Variants in UROC1 observed in about 807,000 individuals in gnomAD.
UROC1 encodes urocanate hydratase.
UROC1 carries 79 observed loss-of-function variants against 89.5 expected under a neutral mutation model. That is an observed-to-expected ratio of 0.88 (90% CI 0.74 to 1.06). The LOEUF (loss-of-function observed/expected upper bound fraction) is 1.06, where lower values mean the gene tolerates loss of function less well. UROC1 is among the 50% of genes least tolerant of loss of function. UROC1 has a pLI of 0.00. For missense variants in UROC1, 885 were observed against 907.8 expected (o/e 0.97, Z 0.32); for synonymous variants, 361 against 354.8 (o/e 1.02, Z -0.20).
Position 126,488,230 on chromosome 3 carries a change from C to T in UROC1, c.1758G>A (p.Trp586Ter). 1 of 1,614,220 alleles carries T rather than the reference C, an allele frequency of 6.2e-7. No homozygotes were observed. Among genetic ancestry groups the T allele is most frequent in the Non-Finnish European group, 8.5e-7 (1 of 1,180,034 alleles). ...CGCCCCCTCCGTTGTGAAGGGCGACCCAGGTGGCTCCGCGACAGGCATCTC... is the reference window on the plus strand; with the variant it reads ...CGCCCCCTCCGTTGTGAAGGGCGACTCAGGTGGCTCCGCGACAGGCATCTC... ...FVGDACRGAT[W>*]VALHNGGGVG... is the part of the protein sequence containing the mutation. The change falls in exon 18 of 20, where the codon TGG (tryptophan) becomes TGA (stop). Residue 586 changes from tryptophan to a stop codon, truncating the protein, a stop_gained. Transcript: ENST00000290868. LOFTEE classifies it high-confidence loss of function.
At chr3:126,497,399 G>T (rs1935802538) in intron 14 of UROC1, among the ~76,000 whole-genome samples, 1 of 152,212 alleles carries the variant, frequency 6.6e-6, no homozygotes, top group South Asian at 2.1e-4. Flanking sequence ...ACCCAGGCAG[G>T]CCATGTAGAC....
At chr3:126,512,754 T>C (rs1220419675) in intron 1 of UROC1, among the ~76,000 whole-genome samples, 7 of 152,114 alleles carry the variant, frequency 4.6e-5, no homozygotes, top group African/African-American at 1.7e-4. Flanking sequence ...ATAATGAACT[T>C]TTCAAACATG....
chr3:126,513,925 C>A (rs1392746937), intron 1 of UROC1, among the ~76,000 whole-genome samples: 1 of 152,130 alleles, frequency 6.6e-6, no homozygotes, highest in Admixed American at 6.5e-5. Context: ...GCTCTCCAAG[C>A]TCAATACCAA....
chr3:126,497,633 A>AG (rs1935809920), intron 14 of UROC1, among the ~76,000 whole-genome samples: 1 of 152,270 alleles, frequency 6.6e-6, no homozygotes, highest in African/African-American at 2.4e-5. Context: ...TGGGTCTGAG[A>AG]GGGACTGTGG....
At chr3:126,490,647 G>A (rs1485388948) in intron 16 of UROC1, among the ~76,000 whole-genome samples, 1 of 151,862 alleles carries the variant, frequency 6.6e-6, no homozygotes, top group East Asian at 1.9e-4. Context: ...ACCACGCCTG[G>A]GCTATGGAGT....
intron 16 of UROC1, among the ~76,000 whole-genome samples, chr3:126,490,465 C>A (rs1208082928): frequency 6.6e-6 from 1 of 152,166 alleles, no homozygotes; most frequent in East Asian, 1.9e-4. Flanking sequence ...GGCAGGGGAT[C>A]ACTTGAGGTC....
intron 15 of UROC1, 49 bp from the exon 16 acceptor site, chr3:126,492,565 A>C: frequency 2.0e-6 from 3 of 1,483,886 alleles, no homozygotes; most frequent in Non-Finnish European, 2.8e-6. Context: ...GGCAGCAATA[A>C]CAGGACCTGG....
rs1935436060 is a variant in UROC1 at position 126,483,397 on chromosome 3, A to G, written c.1862T>C (p.Leu621Pro). 1.2e-6 allele frequency: 2 copies of G among 1,613,626 alleles called. No homozygotes were observed. Among genetic ancestry groups the G allele is most frequent in the African/African-American group, 1.3e-5 (1 of 75,064 alleles). ...GTPEAEGRAR[L>P]MLSWDVSNGV... ...ATTGGAGACATCCCAGCTGAGCATC[A>G]GCCTGGCTCTCCCCTCGGCCTCCGG... is the stretch of plus-strand genomic sequence containing the variant. Residue 621 changes from leucine to proline, a missense_variant, in exon 19 of 20, where the codon CTG becomes CCG. Leu to Pro is a moderately conservative substitution (Grantham distance 98). Coordinates refer to ENST00000290868, the MANE Select transcript of UROC1 (RefSeq NM_144639.3).
rs750167941 is a variant in UROC1, at chr3:126,505,902, C to T, written c.669+43G>A. 53 of 1,612,348 alleles carry T rather than the reference C, an allele frequency of 3.3e-5. 1 individual carries two copies. In the South Asian group the frequency reaches 5.6e-4, roughly 17 times the overall value. On this transcript the variant is annotated intron_variant, in intron 7 of 19. Transcript: ENST00000290868. ...ACTCCCAGCCCGCCCCCTCCACCCCCCATGCTGGGAAGCCCACAGCCAGGC... is the reference window on the plus strand; with the variant it reads ...ACTCCCAGCCCGCCCCCTCCACCCCTCATGCTGGGAAGCCCACAGCCAGGC...
At chr3:126,511,060 T>C (rs1047134040) in intron 1 of UROC1, among the ~76,000 whole-genome samples, 65 of 152,058 alleles carry the variant, frequency 4.3e-4, no homozygotes, top group Admixed American at 1.5e-3. Context: ...TCTCCTGTTC[T>C]GGGGATGGCG....
chr3:126,492,576 G>A (rs1935680504), intron 15 of UROC1, 60 bp from the exon 16 acceptor site: 1 of 1,371,108 alleles, frequency 7.3e-7, no homozygotes, highest in African/African-American at 1.4e-5. Flanking sequence ...CAGGACCTGG[G>A]GTGCAGGGAG....
At chr3:126,506,121 C>T (rs1936054850) in intron 6 of UROC1, 110 bp from the exon 7 acceptor site, 1 of 1,151,108 alleles carries the variant, frequency 8.7e-7, no homozygotes, top group African/African-American at 1.5e-5. Context: ...ACCCAATAGG[C>T]ATTAATATAT....
At position 126,488,179 on chromosome 3, in the gene UROC1, TC is replaced by T. The variant is rs1935558486; in HGVS notation, c.1790+18del. 6 of 1,614,174 alleles carry T rather than the reference TC, an allele frequency of 3.7e-6. No individual in the cohort carries two copies. The highest frequency in any genetic ancestry group is 5.1e-6 in the Non-Finnish European group (6 of 1,179,972). On this transcript the variant is annotated intron_variant, in intron 18 of 19. Coordinates refer to ENST00000290868, the MANE Select transcript of UROC1 (RefSeq NM_144639.3). ...AACTTCCACATCAGCCCACACCCTG[TC>T]CTCTGAAACCTTCTTACCAGCCCAC... is the stretch of plus-strand genomic sequence containing the variant.
intron 18 of UROC1, among the ~76,000 whole-genome samples, chr3:126,486,638 T>A (rs1477177449): frequency 1.3e-5 from 2 of 151,932 alleles, no homozygotes; most frequent in Non-Finnish European, 2.9e-5. Flanking sequence ...AACAGACAAG[T>A]GGAAACATGG....
intron 9 of UROC1, among the ~76,000 whole-genome samples, chr3:126,503,498 C>T (rs944421960): frequency 2.6e-5 from 4 of 152,228 alleles, no homozygotes; most frequent in Non-Finnish European, 5.9e-5. Flanking sequence ...CACCGACTGC[C>T]CCTCAGCACC....
Position 126,505,977 on chromosome 3 carries a change from T to G in UROC1, c.637A>C (p.Ile213Leu). 1 of 1,613,028 alleles carries G rather than the reference T, an allele frequency of 6.2e-7. No homozygotes were observed. Among genetic ancestry groups the G allele is most frequent in the Non-Finnish European group, 8.5e-7 (1 of 1,179,868 alleles). ...CCATGAACGATTCCCTGGGGACCGA[T>G]GTAGCAGTAGCTACCTGCTGTCATC... ...GQMTAGSYCY[I>L]GPQGIVHGTV... The change falls in exon 7 of 20, where the codon ATC becomes CTC. Residue 213 changes from isoleucine (I) to leucine (L), a missense_variant. Coordinates refer to ENST00000290868, the MANE Select transcript of UROC1 (RefSeq NM_144639.3).
chr3:126,509,103 G>T (rs1351129666), intron 3 of UROC1, among the ~76,000 whole-genome samples: 1 of 151,852 alleles, frequency 6.6e-6, no homozygotes, highest in African/African-American at 2.4e-5. Flanking sequence ...GGGCATGGTG[G>T]CGGGTGCCTG....
At chr3:126,485,174 G>A (rs535633960) in intron 18 of UROC1, among the ~76,000 whole-genome samples, 1 of 152,344 alleles carries the variant, frequency 6.6e-6, no homozygotes, top group Non-Finnish European at 1.5e-5. Flanking sequence ...TGCATGATTC[G>A]ATGAGTTAAC....
chr3:126,499,841 C>G (rs982294021), intron 12 of UROC1, among the ~76,000 whole-genome samples: 1 of 152,218 alleles, frequency 6.6e-6, no homozygotes, highest in Admixed American at 6.5e-5. Flanking sequence ...CTTTATGTTC[C>G]TAAAGCACAT....
Sources: allele counts gnomAD v4.1 joint callset (sites outside exome capture counted in the v4.1 genomes callset), GRCh38; gene constraint gnomAD v4.1.1; transcripts MANE v1.5; gene names NCBI Gene and HGNC (gene_info 2026-07-23, HGNC 2026-07-21).